NCOR2: variants seen among roughly 807,000 people sequenced by gnomAD.
NCOR2 encodes the protein CTG repeat protein 26.
Under a neutral mutation model 262.9 loss-of-function variants are expected in NCOR2, and 81 were observed. The observed-to-expected ratio is 0.31, with a 90% CI of 0.26 to 0.37. The LOEUF is 0.37. Ranked by LOEUF, NCOR2 falls within the 10% of genes least tolerant of loss-of-function variation. NCOR2 has a pLI of 1.00. For synonymous variants in NCOR2, 1,659 were observed against 1,559.3 expected (o/e 1.06, Z -1.51); for missense variants, 3,385 against 3,621.4 (o/e 0.93, Z 1.68).
intron 32 of NCOR2, among the ~76,000 whole-genome samples, 171 bp downstream of exon 34, chr12:124,344,426 G>C (rs1032846317): frequency 6.6e-6 from 1 of 152,216 alleles, no homozygotes; most frequent in African/African-American, 2.4e-5. Flanking sequence ...CAAGGAGTTG[G>C]ACAGGGTTTG....
intron 5 of NCOR2, among the ~76,000 whole-genome samples, chr12:124,458,224 C>T (rs921023413): frequency 1.3e-5 from 2 of 152,222 alleles, no homozygotes; most frequent in Admixed American, 1.3e-4. Flanking sequence ...TGACCCCAAG[C>T]CCTGGGAAAT....
chr12:124,426,627 C>A, exon 11 of NCOR2: 2 of 1,583,028 alleles, frequency 1.3e-6, no homozygotes, highest in Non-Finnish European at 8.6e-7. Flanking sequence ...CTCACTTCTC[C>A]CGGAAGGTCT....
chr12:124,325,361 G>T, exon 47 of NCOR2: 1 of 1,146,016 alleles, frequency 8.7e-7, no homozygotes, highest in South Asian at 3.7e-5. Flanking sequence ...CCTGTGGCTC[G>T]CTGGGACCTG....
intron 5 of NCOR2, among the ~76,000 whole-genome samples, chr12:124,463,606 G>A (rs575817416): frequency 1.2e-4 from 18 of 152,222 alleles, no homozygotes; most frequent in Non-Finnish European, 1.5e-4. Context: ...GGCCCTGCCC[G>A]GCAGGGAAGC....
In NCOR2 at chr12:124,400,381, T is replaced by C. The variant is rs1165444632; in HGVS notation, c.1813+120A>G. On this transcript the variant is annotated intron_variant, in intron 15 of 46. Coordinates refer to ENST00000405201, the Ensembl canonical transcript of NCOR2. Reference sequence around the variant, plus strand: ...TAGCGCTGGGATTTGACTCCAACCATGACTTACACCAACCCCTTGGCTGTT... The same window carrying C: ...TAGCGCTGGGATTTGACTCCAACCACGACTTACACCAACCCCTTGGCTGTT... The C allele has an allele frequency of 4.4e-6, 6 of 1,370,534 alleles. No homozygotes were observed. In the African/African-American group the frequency reaches 5.7e-5, roughly 13 times the overall value. The allele number at this position is 1,370,534 out of a possible 1,614,324, so 84.9% of individuals were successfully genotyped here.
At chr12:124,424,909 T>C (rs568605421) in intron 11 of NCOR2, among the ~76,000 whole-genome samples, 1 of 152,280 alleles carries the variant, frequency 6.6e-6, no homozygotes, top group East Asian at 1.9e-4. Context: ...TTTCCCACTC[T>C]CCTGCCTCCC....
chr12:124,335,027 C>A, intron 40 of NCOR2, 108 bp downstream of exon 42: 1 of 1,558,528 alleles, frequency 6.4e-7, no homozygotes. Flanking sequence ...CCTGGATCCC[C>A]CAGCCACCCC....
intron 17 of NCOR2, among the ~76,000 whole-genome samples, chr12:124,382,204 G>A (rs980340747): frequency 2.0e-5 from 3 of 152,182 alleles, no homozygotes; most frequent in African/African-American, 7.2e-5. Flanking sequence ...CAGGTTCAGC[G>A]GCACCTCTCC....
At chr12:124,479,223 T>TGCACACACACGTGCACATGCACACACAC (rs1224174360) in intron 3 of NCOR2, among the ~76,000 whole-genome samples, 1 of 152,064 alleles carries the variant, frequency 6.6e-6, no homozygotes, top group African/African-American at 2.4e-5. Context: ...CACAAACACA[T>TGCACACACACGTGCACATGCACACACAC]GCACACACAC....
At chr12:124,363,793 C>A in exon 21 of NCOR2, 1 of 1,355,698 alleles carries the variant, frequency 7.4e-7, no homozygotes, top group Non-Finnish European at 9.6e-7. Context: ...GCCTTGGGGA[C>A]AGCAGCCTGC....
At chr12:124,359,249 C>T (rs986583406) in intron 22 of NCOR2, among the ~76,000 whole-genome samples, 27 of 152,200 alleles carry the variant, frequency 1.8e-4, no homozygotes, top group Admixed American at 2.6e-4. Context: ...TTGGGAATGA[C>T]GGAGCCCTCT....
At chr12:124,525,485 C>T (rs977254396) in intron 1 of NCOR2, among the ~76,000 whole-genome samples, 10 of 152,376 alleles carry the variant, frequency 6.6e-5, no homozygotes, top group African/African-American at 1.7e-4. Flanking sequence ...GGCAAAGCGC[C>T]GCATCTTGTT....
At chr12:124,453,072 G>T (rs573364367) in intron 6 of NCOR2, among the ~76,000 whole-genome samples, 1 of 152,150 alleles carries the variant, frequency 6.6e-6, no homozygotes, top group South Asian at 2.1e-4. Context: ...AGAAGGGAGT[G>T]GGGGGAGGGA....
At chr12:124,456,822 G>A (rs1394125135) in intron 6 of NCOR2, among the ~76,000 whole-genome samples, 2 of 152,224 alleles carry the variant, frequency 1.3e-5, no homozygotes, top group Non-Finnish European at 2.9e-5. Flanking sequence ...TCTCCTCACA[G>A]CCCGAGCGGC....
At position 124,385,507 on chromosome 12, in the gene NCOR2, G is replaced by T. The variant is rs113009019; in HGVS notation, c.2019+238C>A. On this transcript the variant is annotated intron_variant, in intron 17 of 46. Coordinates refer to ENST00000405201, the Ensembl canonical transcript of NCOR2. Reference sequence around the variant, plus strand: ...TGAGAGGAGTGGGGTGCAGGGTGGGGGTGGAGGGCAGCCTGGCCCGGCCCG... The same window carrying T: ...TGAGAGGAGTGGGGTGCAGGGTGGGTGTGGAGGGCAGCCTGGCCCGGCCCG... 1.4e-4 allele frequency among the ~76,000 whole-genome samples: 21 copies of T among 152,322 alleles called. 2 individuals are homozygous for T. Among genetic ancestry groups the T allele is most frequent in the African/African-American group, 5.1e-4 (21 of 41,578 alleles).
chr12:124,550,189 A>T (rs963929447), intron 1 of NCOR2, among the ~76,000 whole-genome samples: 5 of 152,140 alleles, frequency 3.3e-5, no homozygotes, highest in African/African-American at 1.2e-4. Context: ...AACAGTGCCC[A>T]GGCTGAGAAC....
At chr12:124,480,398 C>G (rs946605829) in intron 3 of NCOR2, among the ~76,000 whole-genome samples, 4 of 152,192 alleles carry the variant, frequency 2.6e-5, no homozygotes, top group African/African-American at 9.7e-5. Context: ...CTGAGTGACC[C>G]TGGGGGACTG....
At position 124,336,937 on chromosome 12, in the gene NCOR2, C is replaced by G. The variant is rs2230943; in HGVS notation, c.5931G>C (p.Glu1977Asp). Residue 1977 changes from glutamate to aspartate, a missense_variant, in exon 38 of 47, where the codon GAG becomes GAC. Glu to Asp is a conservative substitution (Grantham distance 45, BLOSUM62 2). Around this residue, in one of 5 missense-constraint regions of NCOR2, gnomAD observed 1,017 missense variants for 967.2 expected, o/e 1.05. Coordinates refer to ENST00000405201, the Ensembl canonical transcript of NCOR2. ...AGACAGGAGGCACTAGGGGCCGGGG[C>G]TCCGAGCCCTTGCTGGGGGAGGAGG... 23 of 1,554,618 alleles carry G rather than the reference C, an allele frequency of 1.5e-5. No homozygotes were observed. In the East Asian group the frequency reaches 5.2e-4, roughly 35 times the overall value.
chr12:124,446,785 T>C (rs1398515241), intron 7 of NCOR2, among the ~76,000 whole-genome samples: 1 of 152,192 alleles, frequency 6.6e-6, no homozygotes, highest in East Asian at 1.9e-4. Flanking sequence ...TAGTAGAAAA[T>C]ATCCAAAAAA....
Sources: gnomAD v4.1 joint callset for allele counts (sites outside exome capture counted in the v4.1 genomes callset) on GRCh38, gnomAD v4.1.1 for gene constraint, gnomAD v4.1.1 regional missense constraint, MANE v1.5 for transcripts, NCBI Gene and HGNC (gene_info 2026-07-23, HGNC 2026-07-21) for gene names.